The following NELL2 variants were observed in gnomAD, a reference collection of about 807,000 sequenced individuals.
The protein encoded by NELL2 is neural EGFL like 2, also known as protein kinase C-binding protein NELL2.
A neutral mutation model predicts 109.6 loss-of-function variants in NELL2; 41 were observed. That is an observed-to-expected ratio of 0.37 (90% confidence interval 0.29 to 0.49). NELL2 has a LOEUF of 0.49. Among genes scored for constraint, NELL2 ranks in the 20% least tolerant of loss-of-function variants. The probability of loss-of-function intolerance (pLI) is 0.98; values close to 1 mark genes in which losing one functional copy is unlikely to be tolerated. For missense variants in NELL2, 900 were observed against 1,008.3 expected, an observed-to-expected ratio of 0.89 and a Z score of 1.45; for synonymous variants, 355 against 344.7, an observed-to-expected ratio of 1.03 and a Z score of -0.33.
chr12:44,607,206 G>C lies in NELL2; in HGVS notation c.1626C>G (p.Ala542=). The part of the protein sequence containing the change: ...GGACIAANVC[A]CPQGFTGPSC... Reference sequence around the variant, plus strand: ...TGGGTCCAGTGAAGCCTTGTGGGCAGGCACACACATTAGCGGCAATACAGG... The same window carrying C: ...TGGGTCCAGTGAAGCCTTGTGGGCACGCACACACATTAGCGGCAATACAGG... The change falls in exon 15 of 20, where the codon GCC becomes GCG. Residue 542 remains alanine (A), a synonymous_variant. Coordinates refer to ENST00000429094, the MANE Select transcript of NELL2 (RefSeq NM_001145108.2). 1 of 1,612,764 alleles carries C rather than the reference G, an allele frequency of 6.2e-7. No individual in the cohort carries two copies. The highest frequency in any genetic ancestry group is 2.2e-5 in the East Asian group (1 of 44,866).
chr12:44,773,203 C>T (rs1941616516), intron 9 of NELL2, among the ~76,000 whole-genome samples: 1 of 152,148 alleles, frequency 6.6e-6, no homozygotes, highest in Admixed American at 6.5e-5. Flanking sequence ...GGGCAGGGCA[C>T]GGTGGCTCAC....
upstream of NELL2, chr12:44,913,940 C>T (rs1945806308): frequency 2.6e-6 from 1 of 381,836 alleles, no homozygotes; most frequent in Non-Finnish European, 4.8e-6. Flanking sequence ...ATTGCTCAGG[C>T]CAAAAACCTT....
chr12:44,880,748 T>A (rs1321567738), upstream of NELL2: 1 of 152,028 alleles, frequency 6.6e-6, no homozygotes, highest in South Asian at 2.1e-4. Flanking sequence ...ATTTGAGGAC[T>A]CTGAAAATTA....
At chr12:44,561,231 T>C (rs1943456920) in intron 15 of NELL2, among the ~76,000 whole-genome samples, 1 of 152,174 alleles carries the variant, frequency 6.6e-6, no homozygotes, top group Non-Finnish European at 1.5e-5. Flanking sequence ...TCATACTGAA[T>C]GGGAAATGTT....
chr12:44,657,557 G>T (rs1947555390), intron 13 of NELL2, among the ~76,000 whole-genome samples: 1 of 152,082 alleles, frequency 6.6e-6, no homozygotes, highest in African/African-American at 2.4e-5. Context: ...GTATACACGT[G>T]CCATGGTGGT....
chr12:44,684,212 G>A (rs1948631448), intron 12 of NELL2, among the ~76,000 whole-genome samples: 1 of 152,196 alleles, frequency 6.6e-6, no homozygotes, highest in Non-Finnish European at 1.5e-5. Context: ...GCATAGACGT[G>A]TTTGTAGTAT....
chr12:44,713,057 A>G (rs560889662), intron 10 of NELL2, among the ~76,000 whole-genome samples: 3 of 151,980 alleles, frequency 2.0e-5, no homozygotes, highest in South Asian at 2.1e-4. Flanking sequence ...AACTGAACCT[A>G]TTTAAAATCA....
At chr12:44,568,226 T>C (rs1341692894) in intron 15 of NELL2, among the ~76,000 whole-genome samples, 2 of 152,250 alleles carry the variant, frequency 1.3e-5, no homozygotes, top group East Asian at 1.9e-4. Context: ...AAGGAAAAGT[T>C]CAAACCCAGC....
intron 12 of NELL2, 135 bp downstream of exon 12, chr12:44,703,591 G>A: frequency 1.1e-6 from 1 of 890,056 alleles, no homozygotes; most frequent in Non-Finnish European, 1.8e-6. Context: ...ATTTTTAGCT[G>A]ATTAATATGC....
At position 44,617,403 on chromosome 12, in the gene NELL2, TGTGGCCGGGCGCG is replaced by T. The variant is rs566220610; in HGVS notation, c.1445-6446_1445-6434del. 1.3e-3 allele frequency among the ~76,000 whole-genome samples: 181 copies of T among 143,412 alleles called. 37 individuals carry two copies. Among genetic ancestry groups the T allele is most frequent in the African/African-American group, 5.0e-3 (174 of 34,486 alleles). The allele number at this position is 143,412 out of a possible 152,430, so 94.1% of individuals were successfully genotyped here. ...ATTAGGATCTCTATGAAAAAGCAGT[TGTGGCCGGGCGCG>T]GTGGCTCACGCCTGTAATCCCAGCA... On this transcript the variant is annotated intron_variant, in intron 13 of 19. Coordinates refer to ENST00000429094, the MANE Select transcript of NELL2 (RefSeq NM_001145108.2).
chr12:44,821,716 C>T (rs1328318039), intron 2 of NELL2, among the ~76,000 whole-genome samples: 1 of 151,346 alleles, frequency 6.6e-6, no homozygotes, highest in Non-Finnish European at 1.5e-5. Context: ...TTAAAGTTTT[C>T]AGAATTAATT....
intron 9 of NELL2, among the ~76,000 whole-genome samples, chr12:44,739,591 A>C (rs1336479920): frequency 6.6e-6 from 1 of 152,194 alleles, no homozygotes; most frequent in Non-Finnish European, 1.5e-5. Flanking sequence ...AAATTTCAGT[A>C]ACAATAAACA....
At chr12:44,851,065 C>T (rs1317694056) in intron 2 of NELL2, among the ~76,000 whole-genome samples, 2 of 152,136 alleles carry the variant, frequency 1.3e-5, no homozygotes, top group African/African-American at 4.8e-5. Flanking sequence ...ATGAATGAAA[C>T]TAGGCTAGAG....
chr12:44,742,088 G>A (rs867686646), intron 9 of NELL2, among the ~76,000 whole-genome samples: 1 of 152,162 alleles, frequency 6.6e-6, no homozygotes, highest in Non-Finnish European at 1.5e-5. Context: ...ACCTCACACA[G>A]CCGGGTACTC....
chr12:44,917,985 T>C (rs1042285024), upstream of NELL2, among the ~76,000 whole-genome samples: 81 of 152,242 alleles, frequency 5.3e-4, no homozygotes, highest in Admixed American at 2.9e-3. Flanking sequence ...CTAATACTGT[T>C]AAGCACCAAC....
intron 9 of NELL2, among the ~76,000 whole-genome samples, chr12:44,765,575 A>C (rs1307904975): frequency 6.6e-6 from 1 of 152,234 alleles, no homozygotes; most frequent in African/African-American, 2.4e-5. Flanking sequence ...GCTCTAGTAC[A>C]TAATATAGGT....
chr12:44,690,960 C>G (rs897205709), intron 12 of NELL2, among the ~76,000 whole-genome samples: 2 of 151,994 alleles, frequency 1.3e-5, no homozygotes, highest in African/African-American at 4.8e-5. Flanking sequence ...TTATTTCTTC[C>G]CTATATAGCA....
intron 9 of NELL2, among the ~76,000 whole-genome samples, chr12:44,719,250 G>T (rs1462410147): frequency 6.6e-6 from 1 of 152,178 alleles, no homozygotes; most frequent in Non-Finnish European, 1.5e-5. Context: ...ATGGATAAGT[G>T]AAAGAAGCCA....
At chr12:44,787,024 C>T (rs1942204495) in intron 3 of NELL2, among the ~76,000 whole-genome samples, 1 of 151,666 alleles carries the variant, frequency 6.6e-6, no homozygotes, top group Non-Finnish European at 1.5e-5. Flanking sequence ...CATATGTATC[C>T]CAGAATTTAA....
Sources: gnomAD v4.1 joint callset for allele counts (sites outside exome capture counted in the v4.1 genomes callset) on GRCh38, gnomAD v4.1.1 for gene constraint, MANE v1.5 for transcripts, NCBI Gene and HGNC (gene_info 2026-07-23, HGNC 2026-07-21) for gene names.